CAMK1D: variants seen among roughly 807,000 people sequenced by gnomAD.
The protein encoded by CAMK1D is calcium/calmodulin dependent protein kinase ID, also known as calcium/calmodulin-dependent protein kinase type 1D.
A neutral mutation model predicts 47.7 loss-of-function variants in CAMK1D; 9 were observed. That is an observed-to-expected ratio of 0.19 (90% confidence interval 0.11 to 0.33). The LOEUF (loss-of-function observed/expected upper bound fraction) is 0.33. CAMK1D is among the 10% of genes least tolerant of loss of function. The pLI is 1.00. For missense variants in CAMK1D, 291 were observed against 488.7 expected (o/e 0.60, Z 3.81); for synonymous variants, 184 against 184.9 (o/e 0.99, Z 0.04).
intron 1 of CAMK1D, among the ~76,000 whole-genome samples, chr10:12,506,245 C>T (rs901193502): frequency 6.6e-6 from 1 of 152,014 alleles, no homozygotes; most frequent in African/African-American, 2.4e-5. Context: ...ATGGCGAAAC[C>T]CCCGTCTCTA....
rs1449047518 is a variant in CAMK1D, at chr10:12,827,504, T to G, written c.1040-1265T>G. Among the ~76,000 whole-genome samples the G allele has an allele frequency of 3.9e-4, 6 of 15,568 alleles. 2 individuals are homozygous for G. The highest frequency in any genetic ancestry group is 9.7e-4 in the African/African-American group (5 of 5,166). 10.2% of individuals were successfully genotyped at this position (15,568 alleles called of 152,430 possible). A position where few individuals can be genotyped will look rare whatever the true frequency, so the allele number is the denominator to read the frequency against. ...TTTCTTTCTTTCTTTCTTTCTTTCT[T>G]TCTTTCTTTCTTTCTTTCTTTCTTT... On this transcript the variant is annotated intron_variant, in intron 10 of 10. Coordinates refer to ENST00000619168, the MANE Select transcript of CAMK1D (RefSeq NM_153498.4).
intron 1 of CAMK1D, among the ~76,000 whole-genome samples, chr10:12,434,672 G>A (rs959796448): frequency 1.3e-5 from 2 of 152,190 alleles, no homozygotes; most frequent in African/African-American, 2.4e-5. Flanking sequence ...AGTGAAAAAC[G>A]TCCTTGTGCT....
chr10:12,350,045 G>A, intron 1 of CAMK1D, 135 bp downstream of exon 1: 1 of 342,272 alleles, frequency 2.9e-6, no homozygotes, highest in African/African-American at 2.2e-5. Context: ...CGTTCTCGGC[G>A]CTGCGGAGCC....
intron 1 of CAMK1D, among the ~76,000 whole-genome samples, chr10:12,371,138 A>G (rs1246145921): frequency 6.6e-6 from 1 of 152,176 alleles, no homozygotes. Context: ...CAATATGTAT[A>G]AAGTCTACAG....
chr10:12,667,871 T>C (rs909102007), intron 3 of CAMK1D, among the ~76,000 whole-genome samples: 5 of 152,254 alleles, frequency 3.3e-5, no homozygotes, highest in Non-Finnish European at 7.3e-5. Flanking sequence ...TAACCTTTCA[T>C]GATCTTCAAA....
intron 2 of CAMK1D, among the ~76,000 whole-genome samples, chr10:12,556,111 G>A (rs118158506): frequency 0.011 from 1,716 of 152,272 alleles, 32 homozygotes; most frequent in Non-Finnish European, 0.012. Context: ...CCAGGGATGC[G>A]AAGGTGATCT....
chr10:12,773,263 G>T (rs1380797726), intron 5 of CAMK1D, among the ~76,000 whole-genome samples: 1 of 152,122 alleles, frequency 6.6e-6, no homozygotes, highest in Non-Finnish European at 1.5e-5. Flanking sequence ...CATTTATTGA[G>T]TTCCTGCTGT....
chr10:12,369,008 G>T (rs1837932455), intron 1 of CAMK1D, among the ~76,000 whole-genome samples: 1 of 151,988 alleles, frequency 6.6e-6, no homozygotes, highest in South Asian at 2.1e-4. Context: ...ATAGAGATGG[G>T]TTTTCACTAT....
chr10:12,620,179 T>C (rs1588697630), intron 2 of CAMK1D, among the ~76,000 whole-genome samples: 4 of 68,492 alleles, frequency 5.8e-5, no homozygotes, highest in South Asian at 6.5e-4. Context: ...AGAGCGAGAC[T>C]CCGTCTCAAA....
At chr10:12,489,163 C>T (rs574790039) in intron 1 of CAMK1D, among the ~76,000 whole-genome samples, 1 of 152,224 alleles carries the variant, frequency 6.6e-6, no homozygotes, top group Admixed American at 6.5e-5. Context: ...TGGTCTCGAT[C>T]CCCTGACCTT....
intron 2 of CAMK1D, among the ~76,000 whole-genome samples, chr10:12,607,715 C>T (rs1391949671): frequency 6.6e-6 from 1 of 152,224 alleles, no homozygotes; most frequent in Non-Finnish European, 1.5e-5. Context: ...AATCCCAGCA[C>T]TCTGGGAGGC....
chr10:12,487,193 C>G (rs1460118224), intron 1 of CAMK1D, among the ~76,000 whole-genome samples: 2 of 152,222 alleles, frequency 1.3e-5, no homozygotes, highest in Non-Finnish European at 1.5e-5. Context: ...GAAGGAGGCC[C>G]CGGTGTCAGC....
At chr10:12,722,582 C>A (rs925122719) in intron 3 of CAMK1D, among the ~76,000 whole-genome samples, 2 of 148,656 alleles carry the variant, frequency 1.3e-5, no homozygotes, top group East Asian at 4.2e-4. Flanking sequence ...GAAAATGATA[C>A]TTCATAGAGA....
intron 2 of CAMK1D, among the ~76,000 whole-genome samples, chr10:12,664,599 G>T (rs1020845294): frequency 2.0e-5 from 3 of 152,222 alleles, no homozygotes; most frequent in Admixed American, 1.3e-4. Flanking sequence ...TCCAAGGCAA[G>T]CCAGGGCTGC....
chr10:12,721,945 C>T (rs76461577), intron 3 of CAMK1D, among the ~76,000 whole-genome samples: 2,260 of 152,246 alleles, frequency 0.015, 28 homozygotes, highest in Middle Eastern at 0.037. Context: ...CTTCTAAGTG[C>T]AGCAGGCTCT....
chr10:12,749,789 C>T (rs1347148171), intron 3 of CAMK1D, among the ~76,000 whole-genome samples: 2 of 152,098 alleles, frequency 1.3e-5, no homozygotes, highest in Non-Finnish European at 2.9e-5. Flanking sequence ...GGAATTTCAC[C>T]GTGTTGGCCA....
chr10:12,547,356 C>T (rs573035240), intron 1 of CAMK1D, among the ~76,000 whole-genome samples: 11 of 152,256 alleles, frequency 7.2e-5, no homozygotes, highest in South Asian at 2.1e-4. Context: ...GAGTGGGGCA[C>T]GGGCTCCAGG....
chr10:12,665,969 C>T (rs188163550), intron 2 of CAMK1D, among the ~76,000 whole-genome samples: 5 of 152,382 alleles, frequency 3.3e-5, no homozygotes, highest in East Asian at 1.9e-4. Flanking sequence ...CTAGTTTACA[C>T]GTGTAGATTA....
chr10:12,432,124 TTC>T, intron 1 of CAMK1D, among the ~76,000 whole-genome samples: 1 of 152,348 alleles, frequency 6.6e-6, no homozygotes. Context: ...TGGGCCGCGT[TTC>T]TCTGAGAGCC....
Sources: allele counts gnomAD v4.1 joint callset (sites outside exome capture counted in the v4.1 genomes callset), GRCh38; gene constraint gnomAD v4.1.1; transcripts MANE v1.5; gene names NCBI Gene and HGNC (gene_info 2026-07-23, HGNC 2026-07-21).